Variants in MAN2A1 observed in about 807,000 individuals in gnomAD.
MAN2A1 encodes alpha-mannosidase 2.
Under a neutral mutation model 142.6 loss-of-function variants are expected in MAN2A1, and 76 were observed. The ratio of observed to expected loss-of-function variants is 0.53; its 90% CI spans 0.44 to 0.65. MAN2A1 has a LOEUF of 0.65. Among genes scored for constraint, MAN2A1 ranks in the 30% least tolerant of loss-of-function variants. The pLI is 0.00. For missense variants in MAN2A1, 1,311 were observed against 1,365.1 expected (o/e 0.96, Z 0.62); for synonymous variants, 559 against 473.2 (o/e 1.18, Z -2.35).
At chr5:109,801,973 CTA>C (rs1754043307) in intron 12 of MAN2A1, among the ~76,000 whole-genome samples, 1 of 152,034 alleles carries the variant, frequency 6.6e-6, no homozygotes, top group Non-Finnish European at 1.5e-5. Context: ...ATTTGTAGGA[CTA>C]TGTGGGCCTA....
chr5:109,782,413 T>G (rs1436496243), intron 9 of MAN2A1, among the ~76,000 whole-genome samples: 2 of 152,186 alleles, frequency 1.3e-5, no homozygotes, highest in East Asian at 3.8e-4. Context: ...TAGCCATGTG[T>G]GGCTATGGCT....
chr5:109,833,154 C>T (rs1364434572), intron 16 of MAN2A1, among the ~76,000 whole-genome samples: 15 of 150,562 alleles, frequency 1.0e-4, no homozygotes, highest in South Asian at 8.5e-4. Context: ...GAGGGGATGG[C>T]GGCTGGGAAG....
At chr5:109,719,738 T>C (rs1477269768) in intron 3 of MAN2A1, among the ~76,000 whole-genome samples, 1 of 152,182 alleles carries the variant, frequency 6.6e-6, no homozygotes, top group Admixed American at 6.5e-5. Flanking sequence ...TGAATTTATG[T>C]TGCTGTGTTT....
At chr5:109,808,506 A>G (rs1020179988) in intron 12 of MAN2A1, among the ~76,000 whole-genome samples, 1 of 152,062 alleles carries the variant, frequency 6.6e-6, no homozygotes. Flanking sequence ...AAAATTCTTT[A>G]TAAATATTTA....
chr5:109,767,796 C>G (rs540827958), intron 6 of MAN2A1, 88 bp downstream of exon 6: 1 of 1,098,588 alleles, frequency 9.1e-7, no homozygotes, highest in African/African-American at 1.6e-5. Flanking sequence ...GGGTTTTGTT[C>G]ACTGTCAGTC....
intron 4 of MAN2A1, among the ~76,000 whole-genome samples, chr5:109,734,113 T>G (rs984368137): frequency 2.0e-5 from 3 of 152,122 alleles, no homozygotes; most frequent in Non-Finnish European, 2.9e-5. Flanking sequence ...GTCCAGGAAT[T>G]TATCCATTTC....
chr5:109,842,433 G>A lies in MAN2A1; in HGVS notation c.2672G>A (p.Arg891Lys), dbSNP rs762478692. Reference protein sequence around the residue: ...KISSDIKSQNRFYTDLNGYQI... With the variant: ...KISSDIKSQNKFYTDLNGYQI... Reference sequence around the variant, plus strand: ...TCTTCTGATATAAAAAGCCAAAATAGATTTTATACTGACCTAAATGGGTAC... The same window carrying A: ...TCTTCTGATATAAAAAGCCAAAATAAATTTTATACTGACCTAAATGGGTAC... Residue 891 changes from arginine (R) to lysine (K), a missense_variant, in exon 17 of 22, where the codon AGA becomes AAA. Arg to Lys is a conservative substitution (Grantham distance 26). Coordinates refer to ENST00000261483, the MANE Select transcript of MAN2A1 (RefSeq NM_002372.4). 1.9e-6 allele frequency: 3 copies of A among 1,578,356 alleles called. No individual in the cohort carries two copies. The East Asian group carries it at 6.7e-5, about 35-fold the overall frequency.
chr5:109,864,920 C>T (rs2112449559), intron 20 of MAN2A1, 116 bp from the exon 21 acceptor site: 2 of 738,188 alleles, frequency 2.7e-6, no homozygotes, highest in East Asian at 5.2e-5. Flanking sequence ...ATTTGCCTAA[C>T]TTTCTTGCTA....
At chr5:109,846,060 T>C (rs1755337588) in intron 18 of MAN2A1, 54 bp downstream of exon 18, 3 of 1,488,972 alleles carry the variant, frequency 2.0e-6, no homozygotes, top group Non-Finnish European at 2.7e-6. Context: ...TCCAACTGTA[T>C]ACTTTTTCTG....
rs140849565 is a variant in MAN2A1, at chr5:109,784,796, A to G, written c.1630A>G (p.Ile544Val). The G allele has an allele frequency of 3.6e-5, 58 of 1,611,734 alleles. 1 individual carries two copies. The African/African-American group carries it at 7.1e-4, about 20-fold the overall frequency. The change falls in exon 10 of 22, where the codon ATA becomes GTA. Residue 544 changes from isoleucine (I) to valine (V), a missense_variant. Physicochemically the swap from Ile to Val is conservative, Grantham distance 29 (BLOSUM62 3). This residue lies in a region of MAN2A1 where 890 missense variants were observed against 920.5 expected (regional missense o/e 0.97). Transcript: ENST00000261483. ...FALRQAHKYKINKFLSSSLYT... is the reference protein window; with the variant it reads ...FALRQAHKYKVNKFLSSSLYT... Reference sequence around the variant, plus strand: ...CCTGAGACAAGCTCACAAATACAAGATAAATAAATTTCTCTCATCATCACT... The same window carrying G: ...CCTGAGACAAGCTCACAAATACAAGGTAAATAAATTTCTCTCATCATCACT...
At chr5:109,824,836 A>T (rs1038428889) in intron 16 of MAN2A1, among the ~76,000 whole-genome samples, 3 of 152,102 alleles carry the variant, frequency 2.0e-5, no homozygotes, top group Admixed American at 6.5e-5. Context: ...TTTTGCTTTT[A>T]TTTAACTTTT....
intron 4 of MAN2A1, among the ~76,000 whole-genome samples, chr5:109,730,791 G>A (rs1023371120): frequency 7.2e-5 from 11 of 152,098 alleles, no homozygotes; most frequent in African/African-American, 2.4e-4. Flanking sequence ...ACACTGAGTC[G>A]TCCAGGATCA....
intron 12 of MAN2A1, among the ~76,000 whole-genome samples, chr5:109,807,446 T>G (rs1754196034): frequency 6.6e-6 from 1 of 152,210 alleles, no homozygotes; most frequent in Admixed American, 6.5e-5. Context: ...CAAGACCATT[T>G]TCACTGGATT....
At chr5:109,865,188 T>A in intron 21 of MAN2A1, 42 bp downstream of exon 21, 1 of 1,346,280 alleles carries the variant, frequency 7.4e-7, no homozygotes, top group Non-Finnish European at 1.1e-6. Flanking sequence ...TAGTGTGCTT[T>A]GAAATCCTCT....
intron 17 of MAN2A1, among the ~76,000 whole-genome samples, 194 bp from the exon 18 acceptor site, chr5:109,845,671 G>A (rs540715645): frequency 6.6e-6 from 1 of 152,046 alleles, no homozygotes; most frequent in African/African-American, 2.4e-5. Context: ...CCACCTAAAA[G>A]TTGTTTTCTA....
chr5:109,828,089 A>G (rs1465290711), intron 16 of MAN2A1, among the ~76,000 whole-genome samples: 40 of 150,518 alleles, frequency 2.7e-4, no homozygotes, highest in Admixed American at 1.7e-3. Context: ...TGGGCAACAG[A>G]GCGAGACTCT....
chr5:109,753,514 A>G lies in MAN2A1; in HGVS notation c.708-1815A>G, dbSNP rs188660200. On this transcript the variant is annotated intron_variant, in intron 4 of 21. Coordinates refer to ENST00000261483, the MANE Select transcript of MAN2A1 (RefSeq NM_002372.4). ...CATCATATTCTCCATGTGAAATTAT[A>G]TTAGTTGGTGATCCCCATGGCAACA... Among the ~76,000 whole-genome samples, 17 of 152,322 alleles carry G rather than the reference A, an allele frequency of 1.1e-4. No individual in the cohort carries two copies. The East Asian group carries it at 3.1e-3, about 28-fold the overall frequency.
intron 9 of MAN2A1, among the ~76,000 whole-genome samples, chr5:109,783,479 G>A (rs1276547679): frequency 6.6e-6 from 1 of 152,146 alleles, no homozygotes; most frequent in East Asian, 1.9e-4. Context: ...ACACAATTTA[G>A]TTAATTCAAG....
At chr5:109,742,656 T>C (rs1278278522) in intron 4 of MAN2A1, among the ~76,000 whole-genome samples, 1 of 152,166 alleles carries the variant, frequency 6.6e-6, no homozygotes, top group Non-Finnish European at 1.5e-5. Flanking sequence ...CAGGTTGGAT[T>C]TTATGGTATT....
Sources: allele counts gnomAD v4.1 joint callset (sites outside exome capture counted in the v4.1 genomes callset), GRCh38; gene constraint gnomAD v4.1.1; regional missense constraint gnomAD v4.1.1; transcripts MANE v1.5; gene names NCBI Gene and HGNC (gene_info 2026-07-23, HGNC 2026-07-21).